WIPF3: variants seen among roughly 807,000 people sequenced by gnomAD.
WIPF3 encodes WAS/WASL-interacting protein family member 3.
In WIPF3, 33 loss-of-function variants were observed where a neutral mutation model predicts 38.9. The ratio of observed to expected loss-of-function variants is 0.85; its 90% confidence interval spans 0.64 to 1.14. The LOEUF (loss-of-function observed/expected upper bound fraction) is 1.14, where lower values mean the gene tolerates loss of function less well. Among genes scored for constraint, WIPF3 ranks in the 50% most tolerant of loss-of-function variants. The pLI is 0.00. For missense variants in WIPF3, 711 were observed against 652.5 expected (o/e 1.09, Z -0.98); for synonymous variants, 324 against 269.3 (o/e 1.20, Z -1.99).
In WIPF3 at chr7:29,889,427, G is replaced by C. The variant is rs1227133609; in HGVS notation, c.1351+20G>C. On this transcript the variant is annotated intron_variant, in intron 7 of 8. Coordinates refer to ENST00000242140, the MANE Select transcript of WIPF3 (RefSeq NM_001080529.3). ...CCAGAAGTAAGTACCACCTTGATAA[G>C]ACTCCTGGCATCTCCCGACCCTTCA... The C allele has an allele frequency of 6.3e-7, 1 of 1,595,210 alleles. No homozygotes were observed. Among genetic ancestry groups the C allele is most frequent in the East Asian group, 2.2e-5 (1 of 44,776 alleles).
intron 1 of WIPF3, among the ~76,000 whole-genome samples, chr7:29,807,172 T>A (rs576581791): frequency 1.3e-5 from 2 of 151,740 alleles, no homozygotes; most frequent in East Asian, 3.9e-4. Context: ...GAGCCGGAGG[T>A]GGCTTGGGGA....
At chr7:29,831,357 G>A (rs1784718180) in intron 1 of WIPF3, among the ~76,000 whole-genome samples, 1 of 152,182 alleles carries the variant, frequency 6.6e-6, no homozygotes, top group South Asian at 2.1e-4. Flanking sequence ...ACCCACAATG[G>A]TGAGGAAGAC....
intron 4 of WIPF3, 83 bp downstream of exon 4, chr7:29,879,223 TA>T: frequency 2.0e-6 from 3 of 1,512,632 alleles, no homozygotes; most frequent in Non-Finnish European, 2.7e-6. Context: ...CACATGCCAG[TA>T]AGCAACATGG....
chr7:29,876,021 C>T (rs1309014155), intron 3 of WIPF3, 59 bp downstream of exon 3: 9 of 1,588,004 alleles, frequency 5.7e-6, no homozygotes, highest in Non-Finnish European at 7.7e-6. Flanking sequence ...GCATGTGAGG[C>T]ACAGCCAGAC....
At chr7:29,870,836 A>G (rs983940785) in intron 2 of WIPF3, among the ~76,000 whole-genome samples, 3 of 152,228 alleles carry the variant, frequency 2.0e-5, no homozygotes, top group Middle Eastern at 3.4e-3. Context: ...GTGCACCTGT[A>G]ATCCCAGCTA....
intron 2 of WIPF3, among the ~76,000 whole-genome samples, chr7:29,866,904 G>C (rs1339327767): frequency 6.6e-6 from 1 of 152,230 alleles, no homozygotes; most frequent in African/African-American, 2.4e-5. Flanking sequence ...GCTGTGTTGT[G>C]ATGAAGAAAG....
At chr7:29,852,474 C>G (rs927504578) in intron 2 of WIPF3, among the ~76,000 whole-genome samples, 1 of 152,216 alleles carries the variant, frequency 6.6e-6, no homozygotes, top group Admixed American at 6.5e-5. Flanking sequence ...CAGCCTTGTT[C>G]TTCAGTGAAA....
At chr7:29,831,055 A>G (rs1784711781) in intron 1 of WIPF3, among the ~76,000 whole-genome samples, 2 of 152,042 alleles carry the variant, frequency 1.3e-5, no homozygotes, top group South Asian at 4.2e-4. Flanking sequence ...ATAACAGGAC[A>G]CTCTGCCTTC....
rs529655001 is a variant in WIPF3, at chr7:29,898,607, C to A, written c.1352-5679C>A. Among the ~76,000 whole-genome samples the A allele has an allele frequency of 5.9e-5, 9 of 152,284 alleles. No homozygotes were observed. The South Asian group carries it at 1.4e-3, about 25-fold the overall frequency. ...GTGAACTTCCTCCCTCCCCTTTCAC[C>A]ACTCTCCTCCTACCTCATTGTGCTC... is the stretch of plus-strand genomic sequence containing the variant. On this transcript the variant is annotated intron_variant, in intron 7 of 8. Transcript: ENST00000242140.
chr7:29,901,323 G>T (rs1786270251), intron 7 of WIPF3, among the ~76,000 whole-genome samples: 1 of 151,316 alleles, frequency 6.6e-6, no homozygotes, highest in Non-Finnish European at 1.5e-5. Context: ...GGAATATTTG[G>T]ATTAAAAGCA....
At chr7:29,857,637 A>C (rs1318841761) in intron 2 of WIPF3, among the ~76,000 whole-genome samples, 1 of 152,124 alleles carries the variant, frequency 6.6e-6, no homozygotes, top group Non-Finnish European at 1.5e-5. Flanking sequence ...TGGGGTTTCT[A>C]CATTCTCCCA....
At chr7:29,816,411 G>A (rs553529938) in intron 1 of WIPF3, among the ~76,000 whole-genome samples, 4 of 152,118 alleles carry the variant, frequency 2.6e-5, no homozygotes, top group Non-Finnish European at 5.9e-5. Context: ...GCTCACTGCA[G>A]ACTCCATCTC....
intron 1 of WIPF3, among the ~76,000 whole-genome samples, chr7:29,820,922 A>C (rs1415349084): frequency 6.6e-6 from 1 of 152,152 alleles, no homozygotes. Context: ...TGCAAGTTAC[A>C]TTTTTCCATT....
chr7:29,832,608 T>G (rs1784738908), intron 1 of WIPF3, among the ~76,000 whole-genome samples: 1 of 152,184 alleles, frequency 6.6e-6, no homozygotes, highest in Non-Finnish European at 1.5e-5. Context: ...GCTCCTTCTT[T>G]CAAGGAGCCT....
chr7:29,883,950 A>G lies in WIPF3; in HGVS notation c.456A>G (p.Leu152=), dbSNP rs1382891737. The change falls in exon 5 of 9, where the codon CTA becomes CTG. Residue 152 remains leucine (L), a synonymous_variant. Coordinates refer to ENST00000242140, the MANE Select transcript of WIPF3 (RefSeq NM_001080529.3). ...GPLIPPASPR[L]GNTSEAHGAA... ...TTATCCCGCCTGCCTCTCCCAGGCT[A>G]GGCAATACCTCCGAGGCGCATGGCG... The G allele has an allele frequency of 2.5e-6, 4 of 1,569,928 alleles. No individual in the cohort carries two copies. The highest frequency in any genetic ancestry group is 3.5e-6 in the Non-Finnish European group (4 of 1,158,150).
intron 2 of WIPF3, among the ~76,000 whole-genome samples, chr7:29,841,843 T>G (rs1784917982): frequency 6.6e-6 from 1 of 152,174 alleles, no homozygotes; most frequent in Admixed American, 6.5e-5. Context: ...AATGTCAAAA[T>G]TGCCCACATG....
At chr7:29,904,388 T>C in intron 8 of WIPF3, 26 bp downstream of exon 8, 1 of 1,610,152 alleles carries the variant, frequency 6.2e-7, no homozygotes, top group Non-Finnish European at 8.5e-7. Context: ...TGTCTCTGAA[T>C]GTAAAACCAG....
chr7:29,860,967 G>A (rs1276035227), intron 2 of WIPF3, among the ~76,000 whole-genome samples: 1 of 152,126 alleles, frequency 6.6e-6, no homozygotes, highest in Non-Finnish European at 1.5e-5. Context: ...TTTGGTTTTG[G>A]ATGTGTTAAG....
chr7:29,877,411 G>GA (rs1333597257), intron 3 of WIPF3, among the ~76,000 whole-genome samples: 1 of 152,234 alleles, frequency 6.6e-6, no homozygotes, highest in Non-Finnish European at 1.5e-5. Flanking sequence ...GCAGGAGACT[G>GA]AAAGCCTGCC....
Sources: gnomAD v4.1 joint callset for allele counts (sites outside exome capture counted in the v4.1 genomes callset) on GRCh38, gnomAD v4.1.1 for gene constraint, MANE v1.5 for transcripts, NCBI Gene and HGNC (gene_info 2026-07-23, HGNC 2026-07-21) for gene names.